TBL1XR1: variants seen among roughly 807,000 people sequenced by gnomAD.
TBL1XR1 encodes the protein TBL1X/Y related 1.
Under a neutral mutation model 66.9 loss-of-function variants are expected in TBL1XR1, and 5 were observed. The ratio of observed to expected loss-of-function variants is 0.07; its 90% CI spans 0.04 to 0.16. The LOEUF (loss-of-function observed/expected upper bound fraction) is 0.16, where lower values mean the gene tolerates loss of function less well. Among genes scored for constraint, TBL1XR1 ranks in the 10% least tolerant of loss-of-function variants. The probability of loss-of-function intolerance (pLI) is 1.00; values close to 1 mark genes in which losing one functional copy is unlikely to be tolerated. For missense variants in TBL1XR1, 238 were observed against 623.2 expected (o/e 0.38, Z 6.58); for synonymous variants, 210 against 206.0 (o/e 1.02, Z -0.17).
chr3:177,194,021 T>C (rs1418811218), intron 1 of TBL1XR1: 1 of 152,234 alleles, frequency 6.6e-6, no homozygotes, highest in Non-Finnish European at 1.5e-5. Context: ...CTAGTCCCTC[T>C]CCTCTGGCTC....
At chr3:177,115,348 T>C (rs934045546) in intron 1 of TBL1XR1, among the ~76,000 whole-genome samples, 2 of 152,188 alleles carry the variant, frequency 1.3e-5, no homozygotes, top group African/African-American at 4.8e-5. Flanking sequence ...AATCAGTATT[T>C]ATAAGAGAGA....
intron 1 of TBL1XR1, among the ~76,000 whole-genome samples, chr3:177,130,276 T>C (rs1249419860): frequency 6.6e-6 from 1 of 152,140 alleles, no homozygotes; most frequent in Non-Finnish European, 1.5e-5. Context: ...ATAACTTATA[T>C]ACAATGTTAT....
intron 1 of TBL1XR1, among the ~76,000 whole-genome samples, chr3:177,101,142 C>T (rs996219318): frequency 6.6e-6 from 1 of 151,124 alleles, no homozygotes; most frequent in African/African-American, 2.4e-5. Context: ...CAGGCGTGAG[C>T]CACCATGCCC....
intron 2 of TBL1XR1, among the ~76,000 whole-genome samples, chr3:177,069,797 G>GAAAGGA (rs761990165): frequency 4.3e-5 from 3 of 70,126 alleles, no homozygotes; most frequent in African/African-American, 1.7e-4. Context: ...GGAAGGAAAG[G>GAAAGGA]AAGGAAGGAA....
intron 1 of TBL1XR1, among the ~76,000 whole-genome samples, chr3:177,138,251 T>C (rs1481184228): frequency 6.6e-6 from 1 of 152,134 alleles, no homozygotes; most frequent in East Asian, 1.9e-4. Flanking sequence ...GAGATGCTGA[T>C]TGGTGGCAGC....
chr3:177,044,018 A>G (rs1334549924), intron 10 of TBL1XR1, among the ~76,000 whole-genome samples: 1 of 152,122 alleles, frequency 6.6e-6, no homozygotes, highest in Non-Finnish European at 1.5e-5. Flanking sequence ...AAGTTTTATC[A>G]CAACTCACTG....
chr3:177,059,823 C>A (rs1380604059), intron 3 of TBL1XR1, among the ~76,000 whole-genome samples: 1 of 152,144 alleles, frequency 6.6e-6, no homozygotes, highest in African/African-American at 2.4e-5. Context: ...TAGATCCACC[C>A]TCAATCTGGG....
At chr3:177,164,485 G>A (rs896884273) in intron 1 of TBL1XR1, among the ~76,000 whole-genome samples, 1 of 151,972 alleles carries the variant, frequency 6.6e-6, no homozygotes, top group Non-Finnish European at 1.5e-5. Context: ...GAGTAGCTGG[G>A]ATTACAAGCG....
chr3:177,146,011 T>G (rs748665786), intron 1 of TBL1XR1, among the ~76,000 whole-genome samples: 20 of 152,214 alleles, frequency 1.3e-4, no homozygotes, highest in Non-Finnish European at 1.9e-4. Flanking sequence ...TTGCAATTCC[T>G]AGCAGGTACC....
rs551276830 is a variant in TBL1XR1, at chr3:177,149,064, T to C, written c.-122+48057A>G. ...AGGAGACTTTGCTTTGCTTTAGAAG[T>C]AAGCAATGAGCAGAGCTTCCATTTC... On this transcript the variant is annotated intron_variant, in intron 1 of 15. Transcript: ENST00000457928. Among the ~76,000 whole-genome samples the C allele has an allele frequency of 1.7e-3, 253 of 152,090 alleles. 1 individual carries two copies. Among genetic ancestry groups the C allele is most frequent in the African/African-American group, 5.8e-3 (240 of 41,508 alleles).
rs1199141301 is a variant in TBL1XR1, at chr3:177,164,129, A to G, written c.-122+32992T>C. 3.3e-5 allele frequency: 5 copies of G among 152,224 alleles called. No individual in the cohort carries two copies. In the East Asian group the frequency reaches 9.6e-4, roughly 29 times the overall value. The allele number at this position is 152,224 out of a possible 1,614,324, so 9.4% of individuals were successfully genotyped here. A position where few individuals can be genotyped will look rare whatever the true frequency, so the allele number is the denominator to read the frequency against. ...ACGCATACGCTCAGCAACATACCGT[A>G]AAACAACTAACATAACATTTCAAAA... On this transcript the variant is annotated intron_variant, in intron 1 of 15. Coordinates refer to ENST00000457928, the MANE Select transcript of TBL1XR1 (RefSeq NM_024665.7).
At position 177,021,800 on chromosome 3, in the gene TBL1XR1, G is replaced by C. The variant is rs1435990340; in HGVS notation, c.*3698C>G. The C allele has an allele frequency of 6.6e-6, 1 of 152,638 alleles. No individual in the cohort carries two copies. Among genetic ancestry groups the C allele is most frequent in the Admixed American group, 6.5e-5 (1 of 15,282 alleles). 9.5% of individuals were successfully genotyped at this position (152,638 alleles called of 1,614,324 possible). On this transcript the variant is annotated 3_prime_UTR_variant, in exon 16 of 16. Transcript: ENST00000457928. The stretch of plus-strand genomic sequence containing the variant: ...AGGATTTCTGCGGAAACTGTCAACA[G>C]TAGTAATTCACCATATGCAAGTACC...
intron 2 of TBL1XR1, among the ~76,000 whole-genome samples, chr3:177,078,124 A>G (rs969327565): frequency 1.3e-5 from 2 of 152,222 alleles, no homozygotes; most frequent in African/African-American, 4.8e-5. Flanking sequence ...CCAAATTATA[A>G]GCATTTAAAA....
upstream of TBL1XR1, among the ~76,000 whole-genome samples, chr3:177,198,228 A>G (rs1241161175): frequency 6.6e-6 from 1 of 152,220 alleles, no homozygotes; most frequent in Non-Finnish European, 1.5e-5. Context: ...CACGCACACA[A>G]GAAAAGGTTT....
chr3:177,071,031 GTTT>G (rs764951521), intron 2 of TBL1XR1, among the ~76,000 whole-genome samples: 5 of 104,706 alleles, frequency 4.8e-5, no homozygotes, highest in South Asian at 3.0e-4. Context: ...CTGAGAATCT[GTTT>G]TTTTTTTTTT....
At chr3:177,148,841 C>T (rs987578798) in intron 1 of TBL1XR1, among the ~76,000 whole-genome samples, 2 of 151,826 alleles carry the variant, frequency 1.3e-5, no homozygotes, top group Non-Finnish European at 1.5e-5. Context: ...CCTGCCTCTA[C>T]TAAAAATGCA....
At chr3:177,153,616 G>A (rs953205434) in intron 1 of TBL1XR1, among the ~76,000 whole-genome samples, 13 of 152,216 alleles carry the variant, frequency 8.5e-5, no homozygotes, top group African/African-American at 2.4e-4. Flanking sequence ...GGCCAGGCGC[G>A]GTGGCTCACG....
At chr3:177,175,156 T>C (rs943985022) in intron 1 of TBL1XR1, among the ~76,000 whole-genome samples, 1 of 152,176 alleles carries the variant, frequency 6.6e-6, no homozygotes, top group African/African-American at 2.4e-5. Context: ...TATTTTAGTA[T>C]TTAGAAGATT....
At chr3:177,166,165 T>C (rs1008131141) in intron 1 of TBL1XR1, among the ~76,000 whole-genome samples, 92 of 152,062 alleles carry the variant, frequency 6.1e-4, no homozygotes, top group Non-Finnish European at 1.9e-4. Context: ...GGCAGGTGGA[T>C]TGGCTGAGCT....
Sources: allele counts gnomAD v4.1 joint callset (sites outside exome capture counted in the v4.1 genomes callset), GRCh38; gene constraint gnomAD v4.1.1; transcripts MANE v1.5; gene names NCBI Gene and HGNC (gene_info 2026-07-23, HGNC 2026-07-21).